The following PCSK1 variants were observed in gnomAD, a reference collection of about 807,000 sequenced individuals.
PCSK1 encodes neuroendocrine convertase 1.
A neutral mutation model predicts 90.6 loss-of-function variants in PCSK1; 56 were observed. That is an observed-to-expected ratio of 0.62 (90% confidence interval 0.50 to 0.77). The LOEUF (loss-of-function observed/expected upper bound fraction) is 0.77, where lower values mean the gene tolerates loss of function less well. Ranked by LOEUF, PCSK1 falls within the 30% of genes least tolerant of loss-of-function variation. The pLI is 0.00. For missense variants in PCSK1, 801 were observed against 932.6 expected (o/e 0.86, Z 1.84); for synonymous variants, 348 against 342.4 (o/e 1.02, Z -0.18).
intron 9 of PCSK1, among the ~76,000 whole-genome samples, chr5:96,407,301 G>A (rs1760606019): frequency 6.6e-6 from 1 of 152,018 alleles, no homozygotes; most frequent in African/African-American, 2.4e-5. Context: ...CAAAACTAAG[G>A]CCATAAAGAA....
intron 9 of PCSK1, among the ~76,000 whole-genome samples, chr5:96,400,903 C>A (rs1238518182): frequency 2.0e-5 from 3 of 151,038 alleles, no homozygotes; most frequent in African/African-American, 7.3e-5. Context: ...TTGGCTAACA[C>A]GGTGAAACCC....
At chr5:96,426,004 G>C in intron 2 of PCSK1, 74 bp from the exon 3 acceptor site, 1 of 825,850 alleles carries the variant, frequency 1.2e-6, no homozygotes, top group East Asian at 2.5e-5. Context: ...ACTATCTCCA[G>C]TACCCTTCCC....
In PCSK1 at chr5:96,399,976, T is replaced by C. The variant is rs778016216; in HGVS notation, c.1407A>G (p.Val469=). Residue 469 remains valine, a synonymous_variant, in exon 10 of 14, where the codon GTA becomes GTG. Transcript: ENST00000311106. ...ACCTGGGCTCAAAGTCATTGTCCTT[T>C]ACAACACACTCTTTCTTCTCAGGCA... The part of the protein sequence containing the change: ...RSVPEKKECV[V]KDNDFEPRAL... The C allele has an allele frequency of 3.1e-6, 5 of 1,613,886 alleles. No individual in the cohort carries two copies. The highest frequency in any genetic ancestry group is 3.3e-5 in the Admixed American group (2 of 60,020).
intron 9 of PCSK1, among the ~76,000 whole-genome samples, chr5:96,401,000 T>A (rs1031164582): frequency 7.4e-5 from 10 of 134,976 alleles, no homozygotes; most frequent in African/African-American, 2.3e-4. Flanking sequence ...GGCAGGAGAA[T>A]GGCGTGAACC....
At position 96,400,190 on chromosome 5, in the gene PCSK1, G is replaced by C. The variant is rs1760305381; in HGVS notation, c.1197-4C>G. On this transcript the variant is annotated splice_polypyrimidine_tract_variant and splice_region_variant and intron_variant, in intron 9 of 13. Transcript: ENST00000311106. ...ATCTCGCCAGGTGAGATTTGGGCTG[G>C]AGGGGAAGTGACCCAAAGTGTCTTT... 1 of 1,605,456 alleles carries C rather than the reference G, an allele frequency of 6.2e-7. No homozygotes were observed. Among genetic ancestry groups the C allele is most frequent in the Non-Finnish European group, 8.5e-7 (1 of 1,172,160 alleles).
intron 1 of PCSK1, chr5:96,432,067 G>A: frequency 6.6e-7 from 1 of 1,522,998 alleles, no homozygotes; most frequent in Non-Finnish European, 8.8e-7. Context: ...AAATTCCCGG[G>A]AAAACGATTA....
intron 9 of PCSK1, among the ~76,000 whole-genome samples, chr5:96,404,190 A>C (rs1181351261): frequency 1.3e-5 from 2 of 152,214 alleles, no homozygotes; most frequent in Non-Finnish European, 2.9e-5. Context: ...CAGGTGGATG[A>C]GGTTGTAGGA....
At chr5:96,429,186 G>A (rs1761411861) in intron 2 of PCSK1, 27 bp downstream of exon 2, 1 of 1,128,446 alleles carries the variant, frequency 8.9e-7, no homozygotes, top group Non-Finnish European at 1.4e-6. Flanking sequence ...TAGAGTATTG[G>A]TTTGAAGACA....
At chr5:96,425,062 A>AAGAAAGAG (rs1554059793) in intron 3 of PCSK1, among the ~76,000 whole-genome samples, 32 of 142,570 alleles carry the variant, frequency 2.2e-4, no homozygotes, top group Non-Finnish European at 3.6e-4. Context: ...GAAAGAAAGA[A>AAGAAAGAG]AGAAAGAAAG....
In PCSK1 at chr5:96,395,765, A is replaced by G. The variant is rs1482033581; in HGVS notation, c.1723-740T>C. Among the ~76,000 whole-genome samples, 3 of 152,212 alleles carry G rather than the reference A, an allele frequency of 2.0e-5. No homozygotes were observed. The East Asian group carries it at 5.8e-4, about 29-fold the overall frequency. ...TGTAACAAACCTGCACACTCTGTAC[A>G]TGTACTCCAGAACTTAAAGTATAAT... On this transcript the variant is annotated intron_variant, in intron 12 of 13. Coordinates refer to ENST00000311106, the MANE Select transcript of PCSK1 (RefSeq NM_000439.5).
rs544782041 is a variant in PCSK1 at position 96,429,098 on chromosome 5, C to T, written c.285+115G>A. On this transcript the variant is annotated intron_variant, in intron 2 of 13. Transcript: ENST00000311106. ...ATTAGAAATAATACAGATAAACAAT[C>T]TTGGTCACAATAAAAAAAAAACCAC... 3.6e-5 allele frequency: 24 copies of T among 665,086 alleles called. No individual in the cohort carries two copies. The South Asian group carries it at 3.8e-4, about 10-fold the overall frequency. The allele number at this position is 665,086 out of a possible 1,614,324, so 41.2% of individuals were successfully genotyped here.
intron 9 of PCSK1, among the ~76,000 whole-genome samples, chr5:96,403,049 T>A (rs182690653): frequency 6.6e-6 from 1 of 152,232 alleles, no homozygotes; most frequent in East Asian, 1.9e-4. Context: ...CAGGTGCATG[T>A]GTGGAGGCAG....
intron 9 of PCSK1, among the ~76,000 whole-genome samples, chr5:96,405,611 C>T (rs1760533642): frequency 6.6e-6 from 1 of 152,156 alleles, no homozygotes; most frequent in Non-Finnish European, 1.5e-5. Flanking sequence ...GTTGAGGTTG[C>T]AGTGAGCCGA....
At chr5:96,401,086 CAAAAA>C (rs35928091) in intron 9 of PCSK1, among the ~76,000 whole-genome samples, 177 of 70,572 alleles carry the variant, frequency 2.5e-3, no homozygotes, top group African/African-American at 9.7e-3. Context: ...GACTCCGTCT[CAAAAA>C]AAAAAAAAAA....
intron 6 of PCSK1, among the ~76,000 whole-genome samples, chr5:96,413,838 G>T (rs1015351517): frequency 6.9e-6 from 1 of 145,850 alleles, no homozygotes; most frequent in East Asian, 2.0e-4. Context: ...AAAAAAAATC[G>T]GCCAGGTGCG....
intron 3 of PCSK1, among the ~76,000 whole-genome samples, chr5:96,424,878 G>A (rs568805813): frequency 3.3e-5 from 5 of 151,590 alleles, no homozygotes; most frequent in South Asian, 4.2e-4. Flanking sequence ...CAGGAGAATC[G>A]CTTGAAGCCA....
At chr5:96,407,469 G>T (rs921723433) in intron 9 of PCSK1, among the ~76,000 whole-genome samples, 1 of 152,004 alleles carries the variant, frequency 6.6e-6, no homozygotes, top group Non-Finnish European at 1.5e-5. Flanking sequence ...TTGGAAACTG[G>T]CACTTTCACA....
chr5:96,398,833 A>C lies in PCSK1; in HGVS notation c.1588+46T>G, dbSNP rs200977891. On this transcript the variant is annotated intron_variant, in intron 11 of 13. Coordinates refer to ENST00000311106, the MANE Select transcript of PCSK1 (RefSeq NM_000439.5). ...AAGCAATCAGTTATTTGAATCATTC[A>C]ACTTACACTTAAAAATATAAATGGC... The C allele has an allele frequency of 9.8e-5, 143 of 1,455,064 alleles. No individual in the cohort carries two copies. The East Asian group carries it at 3.2e-3, about 33-fold the overall frequency. The allele number at this position is 1,455,064 out of a possible 1,614,324, so 90.1% of individuals were successfully genotyped here. A position where few individuals can be genotyped will look rare whatever the true frequency, so the allele number is the denominator to read the frequency against.
At chr5:96,406,555 C>T (rs978077667) in intron 9 of PCSK1, among the ~76,000 whole-genome samples, 1 of 152,152 alleles carries the variant, frequency 6.6e-6, no homozygotes, top group Non-Finnish European at 1.5e-5. Flanking sequence ...GTAGCCATCT[C>T]ACAGCCGAGA....
Sources: allele counts gnomAD v4.1 joint callset (sites outside exome capture counted in the v4.1 genomes callset), GRCh38; gene constraint gnomAD v4.1.1; transcripts MANE v1.5; gene names NCBI Gene and HGNC (gene_info 2026-07-23, HGNC 2026-07-21).